CLN6: variants seen among roughly 807,000 people sequenced by gnomAD.
CLN6 encodes the protein ceroid-lipofuscinosis neuronal protein 6.
In CLN6, 22 loss-of-function variants were observed where a neutral mutation model predicts 33.3. That is an observed-to-expected ratio of 0.66 (90% CI 0.47 to 0.94). The LOEUF (loss-of-function observed/expected upper bound fraction) is 0.94. Among genes scored for constraint, CLN6 ranks in the 40% least tolerant of loss-of-function variants. The pLI is 0.00. For missense variants in CLN6, 387 were observed against 417.1 expected, an observed-to-expected ratio of 0.93 and a Z score of 0.63; for synonymous variants, 201 against 174.6, an observed-to-expected ratio of 1.15 and a Z score of -1.19.
chr15:68,220,356 C>A lies in CLN6; in HGVS notation c.84-1706G>T, dbSNP rs766977866. Reference sequence around the variant, plus strand: ...GATTAGGTGCTTAGCCAAAGCCACCCGTGTAGTAAGGAGCTGTGGCAACAA... The same window carrying A: ...GATTAGGTGCTTAGCCAAAGCCACCAGTGTAGTAAGGAGCTGTGGCAACAA... On this transcript the variant is annotated intron_variant, in intron 1 of 6. Transcript: ENST00000249806. The surrounding 1 kb of genome is among the most constrained non-coding windows in gnomAD (Gnocchi z 4.2). 6.6e-5 allele frequency among the ~76,000 whole-genome samples: 10 copies of A among 152,322 alleles called. No homozygotes were observed. Among genetic ancestry groups the A allele is most frequent in the African/African-American group, 2.4e-4 (10 of 41,570 alleles).
upstream of CLN6, among the ~76,000 whole-genome samples, chr15:68,231,618 T>C (rs936795619): frequency 1.3e-5 from 2 of 152,268 alleles, no homozygotes; most frequent in African/African-American, 4.8e-5. Context: ...ATCATCGATT[T>C]AATAACACTC....
At position 68,208,094 on chromosome 15, in the gene CLN6, G is replaced by GGGGCC; in HGVS notation, c.*45_*46insGGCCC. ...CTCCTGTATTCAGATGCCCTCCATGGCCCACCCTCCCACCCAGCAGAGCGC... is the reference window on the plus strand; with the variant it reads ...CTCCTGTATTCAGATGCCCTCCATGGGGGCCCCCACCCTCCCACCCAGCAGAGCGC... On this transcript the variant is annotated 3_prime_UTR_variant, in exon 7 of 7. Coordinates refer to ENST00000249806, the MANE Select transcript of CLN6 (RefSeq NM_017882.3). This position sits in a 1 kb window ranked among gnomAD's most constrained non-coding sequence, Gnocchi z 5.8. 2.3e-5 allele frequency: 32 copies of GGGGCC among 1,375,252 alleles called. No individual in the cohort carries two copies. The highest frequency in any genetic ancestry group is 2.8e-5 in the Non-Finnish European group (28 of 992,004). 85.2% of individuals were successfully genotyped at this position (1,375,252 alleles called of 1,614,324 possible).
rs8037768 is a variant in CLN6, at chr15:68,220,293, G to A, written c.84-1643C>T. ...ACCTGCACTATCTCATCTAATCCAC[G>A]CATCTGCTTTACAGATGAGGATACT... On this transcript the variant is annotated intron_variant, in intron 1 of 6. Transcript: ENST00000249806. This position sits in a 1 kb window ranked among gnomAD's most constrained non-coding sequence, Gnocchi z 4.2. 2.2e-4 allele frequency among the ~76,000 whole-genome samples: 33 copies of A among 152,302 alleles called. No homozygotes were observed. Among genetic ancestry groups the A allele is most frequent in the African/African-American group, 7.5e-4 (31 of 41,576 alleles).
At chr15:68,217,956 TG>T (rs1334606314) in intron 2 of CLN6, 3 of 154,624 alleles carry the variant, frequency 1.9e-5, no homozygotes, top group African/African-American at 7.2e-5. Context: ...CAAGGGGCAC[TG>T]GTGCCCTCCC....
chr15:68,256,960 G>A lies in CLN6; in HGVS notation c.-92C>T. On this transcript the variant is annotated 5_prime_UTR_variant, in exon 1 of 7. Transcript: ENST00000538696. This position sits in a 1 kb window ranked among gnomAD's most constrained non-coding sequence, Gnocchi z 4.1. ...TGGGGCAGGGTGTAGTGATGGTCAC[G>A]CATCCCTTCCCTGGGCTTCTCCGGC... The A allele has an allele frequency of 1.7e-6, 1 of 588,776 alleles. No homozygotes were observed. The highest frequency in any genetic ancestry group is 3.0e-6 in the Non-Finnish European group (1 of 328,484). 36.5% of individuals were successfully genotyped at this position (588,776 alleles called of 1,614,324 possible). A position where few individuals can be genotyped will look rare whatever the true frequency, so the allele number is the denominator to read the frequency against.
chr15:68,238,622 G>A (rs1163578326), intron 1 of CLN6, among the ~76,000 whole-genome samples: 4 of 152,216 alleles, frequency 2.6e-5, no homozygotes, highest in South Asian at 2.1e-4. Context: ...CAGCAAAACT[G>A]TCTTTCAAAA....
At chr15:68,213,938 G>T in intron 3 of CLN6, 1 of 302,634 alleles carries the variant, frequency 3.3e-6, no homozygotes, top group Non-Finnish European at 6.5e-6. Flanking sequence ...ACCTCTCCCT[G>T]GACCTCCAGT....
chr15:68,220,106 C>T lies in CLN6; in HGVS notation c.84-1456G>A, dbSNP rs573778838. Among the ~76,000 whole-genome samples, 70 of 152,286 alleles carry T rather than the reference C, an allele frequency of 4.6e-4. No individual in the cohort carries two copies. Among genetic ancestry groups the T allele is most frequent in the African/African-American group, 1.6e-3 (67 of 41,548 alleles). On this transcript the variant is annotated intron_variant, in intron 1 of 6. Coordinates refer to ENST00000249806, the MANE Select transcript of CLN6 (RefSeq NM_017882.3). This position sits in a 1 kb window ranked among gnomAD's most constrained non-coding sequence, Gnocchi z 4.2. ...TGATCCATACTGGCTGGTAGAGTAC[C>T]CCAGGACAGGGAGGCAAGCTCTTGG...
At position 68,216,160 on chromosome 15, in the gene CLN6, C is replaced by G. The variant is rs78696917; in HGVS notation, c.199-1772G>C. On this transcript the variant is annotated intron_variant, in intron 2 of 6. Transcript: ENST00000249806. ...TGCCCAATAGGAGACCCTGTTATGCCAGTAGAAGCTGGGTCCTAGTGAGTG... is the reference window on the plus strand; with the variant it reads ...TGCCCAATAGGAGACCCTGTTATGCGAGTAGAAGCTGGGTCCTAGTGAGTG... Among the ~76,000 whole-genome samples the G allele has an allele frequency of 7.5e-3, 1,142 of 152,264 alleles. 17 individuals are homozygous for G. Among genetic ancestry groups the G allele is most frequent in the African/African-American group, 0.026 (1,087 of 41,546 alleles).
rs1301871194 is a variant in CLN6 at position 68,220,861 on chromosome 15, G to A, written c.84-2211C>T. On this transcript the variant is annotated intron_variant, in intron 1 of 6. Coordinates refer to ENST00000249806, the MANE Select transcript of CLN6 (RefSeq NM_017882.3). This position sits in a 1 kb window ranked among gnomAD's most constrained non-coding sequence, Gnocchi z 4.2. ...TTTTTGTTTTGTTTTTTGGAGACAG[G>A]GTCACCTAGGCTGGAGTACAGTGGT... 6.6e-6 allele frequency among the ~76,000 whole-genome samples: 1 copy of A among 152,000 alleles called. No individual in the cohort carries two copies. Among genetic ancestry groups the A allele is most frequent in the African/African-American group, 2.4e-5 (1 of 41,370 alleles).
At position 68,209,714 on chromosome 15, in the gene CLN6, G is replaced by GTA; in HGVS notation, c.587_588insTA (p.Phe197ThrfsTer10). The GTA allele has an allele frequency of 6.2e-7, 1 of 1,613,550 alleles. No homozygotes were observed. The highest frequency in any genetic ancestry group is 8.5e-7 in the Non-Finnish European group (1 of 1,179,950). On this transcript the variant is annotated frameshift_variant, in exon 6 of 7. Transcript: ENST00000249806. LOFTEE classifies it high-confidence loss of function. This position sits in a 1 kb window ranked among gnomAD's most constrained non-coding sequence, Gnocchi z 4.9. ...AGCTCTCAGCTTTAGAGGCAGTAAA[G>GTA]CAGCCGCTGAAGTACATGAAGAGGA...
At chr15:68,224,512 C>T (rs1347863963) in intron 1 of CLN6, among the ~76,000 whole-genome samples, 1 of 149,154 alleles carries the variant, frequency 6.7e-6, no homozygotes, top group African/African-American at 2.5e-5. Context: ...ATCTCAGCTA[C>T]TGGGGAGGCT....
chr15:68,250,122 A>G (rs948525228), intron 1 of CLN6, among the ~76,000 whole-genome samples: 4 of 152,204 alleles, frequency 2.6e-5, no homozygotes, highest in Non-Finnish European at 4.4e-5. Flanking sequence ...CGTTCCTAGC[A>G]TAAAGAAAAG....
intron 1 of CLN6, among the ~76,000 whole-genome samples, chr15:68,235,408 A>G (rs1892209699): frequency 6.6e-6 from 1 of 151,940 alleles, no homozygotes; most frequent in Non-Finnish European, 1.5e-5. Flanking sequence ...AGAATTGTCA[A>G]CCTGAGCTCT....
In CLN6 at chr15:68,209,907, A is replaced by T; in HGVS notation, c.543-148T>A. On this transcript the variant is annotated intron_variant, in intron 5 of 6. Transcript: ENST00000249806. This position sits in a 1 kb window ranked among gnomAD's most constrained non-coding sequence, Gnocchi z 4.9. ...GGTGAGAGGCGCTCCTCTCCACCCA[A>T]CCTTGCCTGTGCTGGGCGTCAAAGG... 9.0e-7 allele frequency: 1 copy of T among 1,107,608 alleles called. No homozygotes were observed. The highest frequency in any genetic ancestry group is 1.3e-5 in the South Asian group (1 of 78,538). 68.6% of individuals were successfully genotyped at this position (1,107,608 alleles called of 1,614,324 possible).
rs2141145066 is a variant in CLN6, at chr15:68,218,581, G to A, written c.153C>T (p.Phe51=). Residue 51 remains phenylalanine, a synonymous_variant, in exon 2 of 7, where the codon TTC becomes TTT. Transcript: ENST00000249806. ...AGTCCAGAACCCAGTTCTGCAGTGTGAAGTAGAACCAGAGGTCGAGGTGGA... is the reference window on the plus strand; with the variant it reads ...AGTCCAGAACCCAGTTCTGCAGTGTAAAGTAGAACCAGAGGTCGAGGTGGA... ...APFHLDLWFY[F]TLQNWVLDFG... 1 of 1,614,026 alleles carries A rather than the reference G, an allele frequency of 6.2e-7. No individual in the cohort carries two copies. Among genetic ancestry groups the A allele is most frequent in the South Asian group, 1.1e-5 (1 of 91,064 alleles).
chr15:68,224,397 A>G (rs2093246212), intron 1 of CLN6, among the ~76,000 whole-genome samples: 1 of 151,210 alleles, frequency 6.6e-6, no homozygotes. Context: ...TGAGCTGGGC[A>G]GATCACATGA....
In CLN6 at chr15:68,207,558, AGGGGT is replaced by A. The variant is rs1296503400; in HGVS notation, c.*577_*581del. 5.6e-6 allele frequency: 1 copy of A among 178,888 alleles called. No individual in the cohort carries two copies. The highest frequency in any genetic ancestry group is 1.4e-4 in the East Asian group (1 of 7,148). 11.1% of individuals were successfully genotyped at this position (178,888 alleles called of 1,614,324 possible). On this transcript the variant is annotated 3_prime_UTR_variant, in exon 7 of 7. Transcript: ENST00000249806. ...CTCATCTGTCCCAAAGCTGCACCCA[AGGGGT>A]GTCAGCAACCCCAACCTACTGACCT...
At chr15:68,230,003 TA>T (rs1312654676), upstream of CLN6, among the ~76,000 whole-genome samples, 3 of 152,088 alleles carry the variant, frequency 2.0e-5, no homozygotes, top group Admixed American at 6.5e-5. This position sits in a 1 kb window ranked among gnomAD's most constrained non-coding sequence, Gnocchi z 4.0. Context: ...GACCTGGAGA[TA>T]GACTAAGCTG....
Sources: allele counts gnomAD v4.1 joint callset (sites outside exome capture counted in the v4.1 genomes callset), GRCh38; gene constraint gnomAD v4.1.1; non-coding constraint Gnocchi (gnomAD v3.1); transcripts MANE v1.5; gene names NCBI Gene and HGNC (gene_info 2026-07-23, HGNC 2026-07-21).